FAM167A: variants seen among roughly 807,000 people sequenced by gnomAD.
FAM167A encodes the protein family with sequence similarity 167 member A.
FAM167A carries 23 observed loss-of-function variants against 14.9 expected under a neutral mutation model. The ratio of observed to expected loss-of-function variants is 1.55; its 90% confidence interval spans 1.11 to 2.19. The LOEUF is 2.19. Ranked by LOEUF, FAM167A falls within the 30% of genes most tolerant of loss-of-function variation. FAM167A has a pLI of 0.00. For synonymous variants in FAM167A, 174 were observed against 117.7 expected, an observed-to-expected ratio of 1.48 and a Z score of -3.10; for missense variants, 401 against 281.5, an observed-to-expected ratio of 1.42 and a Z score of -3.04.
chr8:11,452,822 C>T (rs2117117147), intron 1 of FAM167A, among the ~76,000 whole-genome samples: 1 of 152,322 alleles, frequency 6.6e-6, no homozygotes, highest in African/African-American at 2.4e-5. Context: ...TTCCCCAGTG[C>T]CAGCACGGGC....
intron 2 of FAM167A, among the ~76,000 whole-genome samples, chr8:11,431,551 T>G (rs1046300855): frequency 1.3e-5 from 2 of 152,204 alleles, no homozygotes; most frequent in African/African-American, 4.8e-5. Context: ...TACTGACATT[T>G]AAACAACAAC....
rs1340757173 is a variant in FAM167A at position 11,444,385 on chromosome 8, T to C, written c.27A>G (p.Glu9=). 6.4e-7 allele frequency: 1 copy of C among 1,562,122 alleles called. No individual in the cohort carries two copies. The highest frequency in any genetic ancestry group is 8.7e-7 in the Non-Finnish European group (1 of 1,153,524). The change falls in exon 2 of 3, where the codon GAA becomes GAG. Residue 9 remains glutamate (E), a synonymous_variant. Transcript: ENST00000284486. ...CCGCCCCCTCTTCTGCACCCACTTC[T>C]TCCACGTGGATCTGGGGCACAGACA... MSVPQIHV[E]EVGAEEGAGA... is the part of the protein sequence containing the mutation.
rs1258260739 is a variant in FAM167A, at chr8:11,424,613, C to G, written c.405G>C (p.Gln135His). 3 of 1,613,936 alleles carry G rather than the reference C, an allele frequency of 1.9e-6. No homozygotes were observed. The highest frequency in any genetic ancestry group is 2.2e-5 in the East Asian group (1 of 44,878). The change falls in exon 3 of 3, where the codon CAG becomes CAC. Residue 135 changes from glutamine (Q) to histidine (H), a missense_variant. By Grantham distance (24) the Gln-to-His change is conservative. Coordinates refer to ENST00000284486, the MANE Select transcript of FAM167A (RefSeq NM_053279.3). Reference sequence around the variant, plus strand: ...GGCGCATGAGCTGTCTGGCCAGTTGCTGGTCCTGCAGCCGCATCTCCGTCT... The same window carrying G: ...GGCGCATGAGCTGTCTGGCCAGTTGGTGGTCCTGCAGCCGCATCTCCGTCT... ...KELTEMRLQDQQLARQLMRLR... is the reference protein window; with the variant it reads ...KELTEMRLQDHQLARQLMRLR...
chr8:11,444,845 C>T, intron 1 of FAM167A, 37 bp from the exon 2 acceptor site: 14 of 992,318 alleles, frequency 1.4e-5, no homozygotes, highest in Non-Finnish European at 1.7e-5. Context: ...GTCCCGATCC[C>T]TGCCCTGCCA....
intron 1 of FAM167A, among the ~76,000 whole-genome samples, chr8:11,456,941 AGCGGGGCTGGGTTAGGGAAGTGG>A (rs1352018856): frequency 2.2e-4 from 9 of 40,530 alleles, no homozygotes; most frequent in African/African-American, 8.1e-4. Flanking sequence ...TAGGGGTATG[AGCGGGGCTGGGTTAGGGAAGTGG>A]GCGGGGCTGG....
At chr8:11,455,604 G>A (rs960110240) in intron 1 of FAM167A, among the ~76,000 whole-genome samples, 6 of 145,904 alleles carry the variant, frequency 4.1e-5, no homozygotes, top group Non-Finnish European at 7.5e-5. Context: ...TGCCTCACCT[G>A]AGTGTGAGTG....
intron 1 of FAM167A, among the ~76,000 whole-genome samples, chr8:11,447,842 C>T (rs1236763806): frequency 3.9e-5 from 6 of 152,344 alleles, no homozygotes; most frequent in African/African-American, 7.2e-5. Context: ...ACAACCGGAA[C>T]GACTACATAA....
chr8:11,444,549 C>T lies in FAM167A; in HGVS notation c.-138G>A. On this transcript the variant is annotated 5_prime_UTR_variant, in exon 2 of 3. Transcript: ENST00000284486. Reference sequence around the variant, plus strand: ...GGGCATTTCCGGGACAGGAGCCGGCCTCAGAGGCTGGGTGGCAGGGGAGCT... The same window carrying T: ...GGGCATTTCCGGGACAGGAGCCGGCTTCAGAGGCTGGGTGGCAGGGGAGCT... 3.4e-6 allele frequency: 5 copies of T among 1,469,974 alleles called. No homozygotes were observed. The highest frequency in any genetic ancestry group is 2.7e-6 in the Non-Finnish European group (3 of 1,118,220). The allele number at this position is 1,469,974 out of a possible 1,614,324, so 91.1% of individuals were successfully genotyped here.
chr8:11,431,225 A>G (rs1322990409), intron 2 of FAM167A, among the ~76,000 whole-genome samples: 1 of 152,264 alleles, frequency 6.6e-6, no homozygotes, highest in South Asian at 2.1e-4. Flanking sequence ...AAGGAAGACA[A>G]TCCTGGCACA....
intron 2 of FAM167A, chr8:11,443,759 A>C: frequency 2.4e-6 from 1 of 416,032 alleles, no homozygotes; most frequent in Non-Finnish European, 4.4e-6. Flanking sequence ...AGGGGGGTAC[A>C]CCTTAACATG....
intron 2 of FAM167A, among the ~76,000 whole-genome samples, chr8:11,442,769 C>T (rs984694872): frequency 2.0e-5 from 3 of 151,914 alleles, no homozygotes; most frequent in South Asian, 2.1e-4. Context: ...TCATCTTCTC[C>T]GAAGCCGACA....
intron 1 of FAM167A, among the ~76,000 whole-genome samples, chr8:11,451,037 T>G (rs11991453): frequency 0.51 from 77,162 of 152,174 alleles, 20,365 homozygotes; most frequent in East Asian, 0.65. Flanking sequence ...TGAGGTCATT[T>G]CCATCCAGCA....
chr8:11,458,991 T>C (rs996532605), intron 1 of FAM167A, among the ~76,000 whole-genome samples: 17 of 152,262 alleles, frequency 1.1e-4, no homozygotes, highest in Non-Finnish European at 1.8e-4. Flanking sequence ...CTGCTGCTCA[T>C]GGCCACCTGC....
chr8:11,453,276 T>G (rs1280385011), intron 1 of FAM167A, among the ~76,000 whole-genome samples: 1 of 152,198 alleles, frequency 6.6e-6, no homozygotes, highest in Non-Finnish European at 1.5e-5. Context: ...TGGGGTCAAC[T>G]GATCTCCTGC....
intron 1 of FAM167A, among the ~76,000 whole-genome samples, chr8:11,451,606 G>T (rs1043522061): frequency 6.6e-6 from 1 of 152,188 alleles, no homozygotes; most frequent in African/African-American, 2.4e-5. Flanking sequence ...GCAACCAGAG[G>T]ACCACGTGCT....
At chr8:11,475,732 G>A (rs1797856361) in intron 1 of FAM167A, among the ~76,000 whole-genome samples, 1 of 152,148 alleles carries the variant, frequency 6.6e-6, no homozygotes. Context: ...AGAACACACA[G>A]ATTCTCTAAT....
At chr8:11,431,969 C>T (rs1805633981) in intron 2 of FAM167A, among the ~76,000 whole-genome samples, 1 of 148,644 alleles carries the variant, frequency 6.7e-6, no homozygotes, top group Admixed American at 6.7e-5. Context: ...GGTGACTCAA[C>T]TCTCAGTGTG....
chr8:11,457,419 TCTC>T (rs1299020768), intron 1 of FAM167A, among the ~76,000 whole-genome samples: 4 of 151,830 alleles, frequency 2.6e-5, no homozygotes, highest in African/African-American at 9.7e-5. Context: ...TTGAACCTCA[TCTC>T]CACGCAAACC....
At chr8:11,469,421 G>C (rs1397255360), upstream of FAM167A, among the ~76,000 whole-genome samples, 1 of 152,212 alleles carries the variant, frequency 6.6e-6, no homozygotes, top group Non-Finnish European at 1.5e-5. Context: ...CAGTGATGGT[G>C]GGAGGATCTG....
Sources: allele counts gnomAD v4.1 joint callset (sites outside exome capture counted in the v4.1 genomes callset), GRCh38; gene constraint gnomAD v4.1.1; transcripts MANE v1.5; gene names NCBI Gene and HGNC (gene_info 2026-07-23, HGNC 2026-07-21).